IL1RAP: variants seen among roughly 807,000 people sequenced by gnomAD.
IL1RAP encodes interleukin-1 receptor accessory protein.
IL1RAP carries 35 observed loss-of-function variants against 60.7 expected under a neutral mutation model. The observed-to-expected ratio is 0.58, with a 90% CI of 0.44 to 0.76. The LOEUF (loss-of-function observed/expected upper bound fraction) is 0.76. Among genes scored for constraint, IL1RAP ranks in the 30% least tolerant of loss-of-function variants. IL1RAP has a pLI of 0.00. For missense variants in IL1RAP, 572 were observed against 693.9 expected (o/e 0.82, Z 1.97); for synonymous variants, 268 against 250.9 (o/e 1.07, Z -0.64).
At chr3:190,533,693 G>A (rs536654505) in intron 1 of IL1RAP, among the ~76,000 whole-genome samples, 5 of 152,026 alleles carry the variant, frequency 3.3e-5, no homozygotes, top group South Asian at 2.1e-4. Flanking sequence ...GTGCACATCC[G>A]TGTAGAAAAA....
At chr3:190,570,416 A>G (rs1159857456) in intron 3 of IL1RAP, among the ~76,000 whole-genome samples, 1 of 152,226 alleles carries the variant, frequency 6.6e-6, no homozygotes, top group African/African-American at 2.4e-5. Flanking sequence ...TCCTTCTACC[A>G]TAGGAACCAA....
Position 190,650,562 on chromosome 3 carries a change from T to C in IL1RAP, c.*1857T>C, listed in dbSNP as rs1734333296. 1.1e-6 allele frequency: 1 copy of C among 937,148 alleles called. No homozygotes were observed. The highest frequency in any genetic ancestry group is 1.8e-5 in the African/African-American group (1 of 56,358). 58.1% of individuals were successfully genotyped at this position (937,148 alleles called of 1,614,324 possible). On this transcript the variant is annotated 3_prime_UTR_variant, in exon 12 of 12. Transcript: ENST00000447382. ...AAAGCCCTTATCCCGGTAACATGAA[T>C]GTTGATGAACAAATGTAAAATTATA...
chr3:190,634,230 A>C (rs917133871), intron 9 of IL1RAP, among the ~76,000 whole-genome samples: 1 of 150,834 alleles, frequency 6.6e-6, no homozygotes, highest in Admixed American at 6.6e-5. Flanking sequence ...TCCTTTTTAT[A>C]TATTACTGGA....
At chr3:190,578,076 C>T (rs534223911) in intron 3 of IL1RAP, among the ~76,000 whole-genome samples, 1 of 152,244 alleles carries the variant, frequency 6.6e-6, no homozygotes, top group East Asian at 1.9e-4. Flanking sequence ...GGGAGGAGGA[C>T]ACAGGTTGAA....
chr3:190,593,919 T>G (rs1729163853), intron 3 of IL1RAP, among the ~76,000 whole-genome samples: 1 of 152,222 alleles, frequency 6.6e-6, no homozygotes, highest in African/African-American at 2.4e-5. Context: ...GAAAAATGTC[T>G]AGATATTTAA....
intron 9 of IL1RAP, among the ~76,000 whole-genome samples, chr3:190,635,275 A>C (rs1015991810): frequency 1.3e-5 from 2 of 152,068 alleles, no homozygotes; most frequent in Non-Finnish European, 2.9e-5. Context: ...TCATCAGTCA[A>C]GATAAGGGTT....
intron 6 of IL1RAP, among the ~76,000 whole-genome samples, chr3:190,622,791 T>C (rs938530886): frequency 2.6e-5 from 4 of 151,954 alleles, no homozygotes; most frequent in African/African-American, 9.7e-5. Context: ...TTGTTTAGGG[T>C]TTTTATGGAG....
chr3:190,517,548 T>C (rs1313469478), intron 1 of IL1RAP, among the ~76,000 whole-genome samples: 1 of 152,242 alleles, frequency 6.6e-6, no homozygotes, highest in African/African-American at 2.4e-5. Flanking sequence ...TGTTGGAAGA[T>C]GAAGGGATCT....
intron 5 of IL1RAP, among the ~76,000 whole-genome samples, chr3:190,616,074 G>A (rs1186854644): frequency 6.6e-6 from 1 of 152,030 alleles, no homozygotes; most frequent in Non-Finnish European, 1.5e-5. Context: ...TGCATATACA[G>A]ATAACATTTG....
intron 3 of IL1RAP, among the ~76,000 whole-genome samples, chr3:190,579,151 G>A (rs1207736102): frequency 6.6e-6 from 1 of 152,202 alleles, no homozygotes; most frequent in Admixed American, 6.5e-5. Flanking sequence ...ACAGAACATA[G>A]TAAGCTAGTT....
At chr3:190,592,154 G>T (rs911223453) in intron 3 of IL1RAP, among the ~76,000 whole-genome samples, 2 of 152,144 alleles carry the variant, frequency 1.3e-5, no homozygotes, top group Non-Finnish European at 2.9e-5. Flanking sequence ...CAAGTAGCTG[G>T]AATTACAGGC....
At chr3:190,523,557 T>C (rs2108609530) in intron 1 of IL1RAP, among the ~76,000 whole-genome samples, 1 of 152,200 alleles carries the variant, frequency 6.6e-6, no homozygotes, top group South Asian at 2.1e-4. Flanking sequence ...GTGTGTGTTG[T>C]TTTCCTTTAT....
intron 1 of IL1RAP, among the ~76,000 whole-genome samples, chr3:190,546,190 G>A (rs539772219): frequency 6.6e-6 from 1 of 152,282 alleles, no homozygotes; most frequent in African/African-American, 2.4e-5. Context: ...ACATTCATCT[G>A]ATTTGCATTT....
intron 8 of IL1RAP, among the ~76,000 whole-genome samples, chr3:190,627,921 T>G (rs1023181024): frequency 4.7e-5 from 7 of 150,448 alleles, no homozygotes; most frequent in African/African-American, 1.5e-4. Context: ...TTGTGTTTTG[T>G]TTTTTTTTGC....
At chr3:190,532,080 T>C (rs1723033246) in intron 1 of IL1RAP, among the ~76,000 whole-genome samples, 1 of 152,136 alleles carries the variant, frequency 6.6e-6, no homozygotes, top group South Asian at 2.1e-4. Context: ...GTGCACTTTC[T>C]GGTATCATGC....
At chr3:190,641,673 C>T (rs1338771967) in intron 9 of IL1RAP, among the ~76,000 whole-genome samples, 1 of 152,150 alleles carries the variant, frequency 6.6e-6, no homozygotes, top group African/African-American at 2.4e-5. Context: ...AGCAGGCTCT[C>T]TATTGGCATT....
At chr3:190,571,548 G>A (rs1726926474) in intron 3 of IL1RAP, among the ~76,000 whole-genome samples, 1 of 151,934 alleles carries the variant, frequency 6.6e-6, no homozygotes, top group African/African-American at 2.4e-5. Context: ...AACTATAGTT[G>A]AAATATAGAC....
exon 12 of IL1RAP, chr3:190,657,502 A>T (rs1734654074): frequency 6.6e-6 from 1 of 152,216 alleles, no homozygotes; most frequent in East Asian, 1.9e-4. Flanking sequence ...CCTTCGTCCC[A>T]TTCAGGCTTC....
At chr3:190,580,567 T>C (rs552520328) in intron 3 of IL1RAP, among the ~76,000 whole-genome samples, 1 of 152,284 alleles carries the variant, frequency 6.6e-6, no homozygotes, top group South Asian at 2.1e-4. Context: ...CACTACATGA[T>C]GCTATTTACA....
Sources: gnomAD v4.1 joint callset for allele counts (sites outside exome capture counted in the v4.1 genomes callset) on GRCh38, gnomAD v4.1.1 for gene constraint, MANE v1.5 for transcripts, NCBI Gene and HGNC (gene_info 2026-07-23, HGNC 2026-07-21) for gene names.